ZNF366: variants seen among roughly 807,000 people sequenced by gnomAD.
ZNF366 encodes dendritic cell-specific transcript protein.
Under a neutral mutation model 47.2 loss-of-function variants are expected in ZNF366, and 20 were observed. The ratio of observed to expected loss-of-function variants is 0.42; its 90% CI spans 0.30 to 0.62. The LOEUF is 0.62. ZNF366 is among the 20% of genes least tolerant of loss of function. The pLI is 0.16. For synonymous variants in ZNF366, 421 were observed against 395.1 expected (o/e 1.07, Z -0.78); for missense variants, 987 against 976.3 (o/e 1.01, Z -0.15).
At chr5:72,458,974 A>T (rs1167048859) in intron 2 of ZNF366, among the ~76,000 whole-genome samples, 1 of 152,180 alleles carries the variant, frequency 6.6e-6, no homozygotes, top group East Asian at 1.9e-4. Flanking sequence ...CCCTGAAGTT[A>T]GCGAATGGTC....
At chr5:72,499,486 T>TTC (rs1226786481) in intron 1 of ZNF366, among the ~76,000 whole-genome samples, 2 of 149,778 alleles carry the variant, frequency 1.3e-5, no homozygotes, top group African/African-American at 4.9e-5. Context: ...TGCCTTTTTT[T>TTC]TTTTTTTTTT....
In ZNF366 at chr5:72,460,761, C is replaced by A; in HGVS notation, c.736G>T (p.Val246Leu). 1 of 1,614,222 alleles carries A rather than the reference C, an allele frequency of 6.2e-7. No homozygotes were observed. The highest frequency in any genetic ancestry group is 8.5e-7 in the Non-Finnish European group (1 of 1,180,052). ...TGCCAGCGCTTCTGCGAGCCGCCCA[C>A]GTCCACGTAGTAGCTGTCATCGATC... Reference protein sequence around the residue: ...VQIDDSYYVDVGGSQKRWQCP... With the variant: ...VQIDDSYYVDLGGSQKRWQCP... The change falls in exon 2 of 5, where the codon GTG becomes TTG. Residue 246 changes from valine (V) to leucine (L), a missense_variant. Transcript: ENST00000318442.
chr5:72,494,538 A>G (rs991046292), intron 1 of ZNF366, among the ~76,000 whole-genome samples: 1 of 152,150 alleles, frequency 6.6e-6, no homozygotes, highest in Non-Finnish European at 1.5e-5. Context: ...TGATCTGATC[A>G]TGAAAAGGAG....
chr5:72,504,218 T>G (rs1037796996), intron 1 of ZNF366, among the ~76,000 whole-genome samples: 7 of 152,164 alleles, frequency 4.6e-5, no homozygotes, highest in Admixed American at 2.0e-4. Flanking sequence ...TGCTCAGCCC[T>G]GGGCAGGAGG....
intron 1 of ZNF366, among the ~76,000 whole-genome samples, chr5:72,470,777 A>G (rs1009000330): frequency 1.8e-4 from 28 of 152,292 alleles, no homozygotes; most frequent in African/African-American, 6.7e-4. Flanking sequence ...CCTCGCGTAA[A>G]TTAACTGCCA....
At chr5:72,466,541 T>C (rs1743433127) in intron 1 of ZNF366, among the ~76,000 whole-genome samples, 1 of 152,230 alleles carries the variant, frequency 6.6e-6, no homozygotes, top group Non-Finnish European at 1.5e-5. Flanking sequence ...CAATTCTTGC[T>C]AAACTGTGAA....
chr5:72,453,761 C>T (rs1416852008), intron 3 of ZNF366, among the ~76,000 whole-genome samples: 1 of 152,166 alleles, frequency 6.6e-6, no homozygotes, highest in East Asian at 1.9e-4. Flanking sequence ...AGAGGAAGAC[C>T]CTGACTGTAT....
intron 1 of ZNF366, among the ~76,000 whole-genome samples, chr5:72,463,356 A>G (rs1437710248): frequency 6.6e-6 from 1 of 152,236 alleles, no homozygotes; most frequent in East Asian, 1.9e-4. Context: ...TTATTATTTA[A>G]CTATCTGGGC....
Position 72,443,611 on chromosome 5 carries a change from T to C in ZNF366, c.*145A>G. Reference sequence around the variant, plus strand: ...GTGAATGACCTGAGAAGGCTTTCCATTACCTACATCCCTGCTCATTTAGTC... The same window carrying C: ...GTGAATGACCTGAGAAGGCTTTCCACTACCTACATCCCTGCTCATTTAGTC... On this transcript the variant is annotated 3_prime_UTR_variant, in exon 5 of 5. Coordinates refer to ENST00000318442, the MANE Select transcript of ZNF366 (RefSeq NM_152625.3). The C allele has an allele frequency of 2.2e-6, 2 of 893,508 alleles. No homozygotes were observed. Among genetic ancestry groups the C allele is most frequent in the East Asian group, 5.3e-5 (2 of 37,718 alleles). 55.3% of individuals were successfully genotyped at this position (893,508 alleles called of 1,614,324 possible).
At position 72,439,971 on chromosome 5, in the gene ZNF366, C is replaced by T. The variant is rs1742823682; in HGVS notation, c.*3785G>A. 1 of 152,196 alleles carries T rather than the reference C, an allele frequency of 6.6e-6. No homozygotes were observed. The highest frequency in any genetic ancestry group is 2.1e-4 in the South Asian group (1 of 4,830). The allele number at this position is 152,196 out of a possible 1,614,324, so 9.4% of individuals were successfully genotyped here. ...TTACATGCTCTTTTCAGGTAAACTG[C>T]TTTTTCAGTGAAGCAGAAAGCAATA... On this transcript the variant is annotated 3_prime_UTR_variant, in exon 5 of 5. Coordinates refer to ENST00000318442, the MANE Select transcript of ZNF366 (RefSeq NM_152625.3).
At chr5:72,447,456 C>G in intron 3 of ZNF366, 39 bp from the exon 4 acceptor site, 1 of 1,608,398 alleles carries the variant, frequency 6.2e-7, no homozygotes, top group Non-Finnish European at 8.5e-7. Flanking sequence ...TTACTCTGCC[C>G]GAGTGAAGCC....
intron 4 of ZNF366, 110 bp from the exon 5 acceptor site, chr5:72,444,401 A>G: frequency 8.3e-7 from 1 of 1,202,408 alleles, no homozygotes; most frequent in Middle Eastern, 2.9e-4. Context: ...GCGTATTTTA[A>G]AAATAGATCA....
At chr5:72,498,476 C>T (rs921099821) in intron 1 of ZNF366, among the ~76,000 whole-genome samples, 3 of 152,192 alleles carry the variant, frequency 2.0e-5, no homozygotes, top group African/African-American at 7.2e-5. Flanking sequence ...AGCATTCTTT[C>T]CTGCGTTACT....
intron 1 of ZNF366, among the ~76,000 whole-genome samples, chr5:72,467,701 GA>G (rs758175997): frequency 1.3e-5 from 2 of 152,112 alleles, no homozygotes; most frequent in Non-Finnish European, 2.9e-5. Flanking sequence ...ACTCTTCCAC[GA>G]AAGAGAGAAA....
rs987974090 is a variant in ZNF366 at position 72,443,579 on chromosome 5, G to C, written c.*177C>G. On this transcript the variant is annotated 3_prime_UTR_variant, in exon 5 of 5. Transcript: ENST00000318442. ...CCTGCACATGTGTGAAGGGTATCAA[G>C]GGCCCCGTGAATGACCTGAGAAGGC... 5 of 663,894 alleles carry C rather than the reference G, an allele frequency of 7.5e-6. No individual in the cohort carries two copies. In the Admixed American group the frequency reaches 1.2e-4, roughly 16 times the overall value. 41.1% of individuals were successfully genotyped at this position (663,894 alleles called of 1,614,324 possible). A position where few individuals can be genotyped will look rare whatever the true frequency, so the allele number is the denominator to read the frequency against.
chr5:72,500,035 T>C (rs374337766), intron 1 of ZNF366, among the ~76,000 whole-genome samples: 1 of 152,192 alleles, frequency 6.6e-6, no homozygotes, highest in Non-Finnish European at 1.5e-5. Context: ...AAGGAAACTC[T>C]AAGGATTCTT....
chr5:72,455,066 A>T (rs1743150575), intron 3 of ZNF366, among the ~76,000 whole-genome samples: 1 of 152,176 alleles, frequency 6.6e-6, no homozygotes, highest in Non-Finnish European at 1.5e-5. Flanking sequence ...GTGCTGCATG[A>T]AGCTGATTCT....
chr5:72,476,247 C>T (rs1024524933), intron 1 of ZNF366, among the ~76,000 whole-genome samples: 1 of 152,120 alleles, frequency 6.6e-6, no homozygotes, highest in Non-Finnish European at 1.5e-5. Flanking sequence ...ACATACAATG[C>T]CCCCTCCCTT....
intron 1 of ZNF366, among the ~76,000 whole-genome samples, chr5:72,491,155 G>A (rs887117347): frequency 6.6e-6 from 1 of 152,246 alleles, no homozygotes; most frequent in African/African-American, 2.4e-5. Context: ...TTCCTTGATA[G>A]TATGCAAGTT....
Sources: allele counts gnomAD v4.1 joint callset (sites outside exome capture counted in the v4.1 genomes callset), GRCh38; gene constraint gnomAD v4.1.1; transcripts MANE v1.5; gene names NCBI Gene and HGNC (gene_info 2026-07-23, HGNC 2026-07-21).